The following ADAMTSL1 variants were observed in gnomAD, a reference collection of about 807,000 sequenced individuals.
The protein encoded by ADAMTSL1 is ADAMTS-like protein 1.
A neutral mutation model predicts 201.8 loss-of-function variants in ADAMTSL1; 126 were observed. The observed-to-expected ratio is 0.62, with a 90% CI of 0.54 to 0.72. ADAMTSL1 has a LOEUF of 0.72. Among genes scored for constraint, ADAMTSL1 ranks in the 30% least tolerant of loss-of-function variants. The probability of loss-of-function intolerance (pLI) is 0.00; values close to 1 mark genes in which losing one functional copy is unlikely to be tolerated. For missense variants in ADAMTSL1, 2,679 were observed against 2,277.8 expected (o/e 1.18, Z -3.59); for synonymous variants, 1,121 against 903.4 (o/e 1.24, Z -4.32).
chr9:18,669,473 A>G (rs1399078562), intron 9 of ADAMTSL1, among the ~76,000 whole-genome samples: 1 of 152,220 alleles, frequency 6.6e-6, no homozygotes, highest in Non-Finnish European at 1.5e-5. Context: ...TCAGATCTGC[A>G]TAAAGCAGAC....
chr9:18,601,313 T>C (rs1334262675), intron 4 of ADAMTSL1, among the ~76,000 whole-genome samples: 1 of 152,186 alleles, frequency 6.6e-6, no homozygotes, highest in Admixed American at 6.5e-5. Flanking sequence ...AAATAAGTAT[T>C]GGGCAACTAG....
rs143262126 is a variant in ADAMTSL1 at position 18,753,723 on chromosome 9, C to A, written c.2217+215C>A. Among the ~76,000 whole-genome samples the A allele has an allele frequency of 4.9e-3, 750 of 152,264 alleles. 5 individuals are homozygous for A. Among genetic ancestry groups the A allele is most frequent in the African/African-American group, 0.017 (716 of 41,526 alleles). ...CTACTGTATCACACCCCAGTGACCT[C>A]CAAAAGCAATGCAGATGACCCATCT... is the stretch of plus-strand genomic sequence containing the variant. On this transcript the variant is annotated intron_variant, in intron 16 of 28. Coordinates refer to ENST00000380548, the MANE Select transcript of ADAMTSL1 (RefSeq NM_001040272.6).
chr9:18,254,472 C>A (rs1183091881), intron 2 of ADAMTSL1, among the ~76,000 whole-genome samples: 1 of 147,882 alleles, frequency 6.8e-6, no homozygotes, highest in African/African-American at 2.5e-5. Flanking sequence ...ACGCCGTTCT[C>A]CTGCCTCAGC....
chr9:18,422,824 ATCCCTAAAGATAACCAACAGC>A (rs1819022512), intron 2 of ADAMTSL1, among the ~76,000 whole-genome samples: 1 of 152,050 alleles, frequency 6.6e-6, no homozygotes, highest in African/African-American at 2.4e-5. Context: ...ATGTCTTCCC[ATCCCTAAAGATAACCAACAGC>A]TCCCTGTGGA....
intron 16 of ADAMTSL1, among the ~76,000 whole-genome samples, chr9:18,765,270 G>C (rs1404802182): frequency 6.6e-6 from 1 of 152,200 alleles, no homozygotes; most frequent in Admixed American, 6.5e-5. Flanking sequence ...CACTAGTGAA[G>C]TATCTAAAAT....
rs200603951 is a variant in ADAMTSL1, at chr9:18,079,682, AAAATAAATAAAT to A, written c.88-84144_88-84133del. ...GGGAGACAGAGCGAGACTCTGTCTCAAAATAAATAAATAAATAAATAAATAAATAAATAAATA... is the reference window on the plus strand; with the variant it reads ...GGGAGACAGAGCGAGACTCTGTCTCAAAATAAATAAATAAATAAATAAATA... On this transcript the variant is annotated intron_variant, in intron 1 of 29. Coordinates refer to the ADAMTSL1 transcript ENST00000680146. 6.2e-3 allele frequency among the ~76,000 whole-genome samples: 885 copies of A among 141,738 alleles called. 6 individuals are homozygous for A. Among genetic ancestry groups the A allele is most frequent in the African/African-American group, 8.4e-3 (318 of 38,018 alleles). 93.0% of individuals were successfully genotyped at this position (141,738 alleles called of 152,430 possible).
At position 18,049,619 on chromosome 9, in the gene ADAMTSL1, CT is replaced by C. The variant is rs61679017; in HGVS notation, c.88-114229del. 1.7e-3 allele frequency among the ~76,000 whole-genome samples: 238 copies of C among 143,696 alleles called. 1 individual carries two copies. The highest frequency in any genetic ancestry group is 5.1e-3 in the South Asian group (23 of 4,484). The allele number at this position is 143,696 out of a possible 152,430, so 94.3% of individuals were successfully genotyped here. A position where few individuals can be genotyped will look rare whatever the true frequency, so the allele number is the denominator to read the frequency against. On this transcript the variant is annotated intron_variant, in intron 1 of 29. Transcript: ENST00000680146. ...GGCTTCCTGTCTTCGACTTCTTATT[CT>C]TTTTTTTTTTTTTCTTTTTTTGAGA...
intron 2 of ADAMTSL1, among the ~76,000 whole-genome samples, chr9:18,379,648 C>T (rs1587017419): frequency 1.3e-5 from 2 of 152,206 alleles, no homozygotes; most frequent in East Asian, 1.9e-4. Context: ...GACGAAGGCT[C>T]TCCAGGCTGT....
intron 15 of ADAMTSL1, among the ~76,000 whole-genome samples, chr9:18,724,544 A>C (rs1817751621): frequency 6.6e-6 from 1 of 152,220 alleles, no homozygotes; most frequent in African/African-American, 2.4e-5. Context: ...TAGTGCCTAC[A>C]TTTTTTAGAA....
chr9:18,684,677 TA>T, intron 12 of ADAMTSL1, 38 bp from the exon 13 acceptor site: 1 of 1,600,980 alleles, frequency 6.2e-7, no homozygotes, highest in Non-Finnish European at 8.5e-7. Context: ...AGATTGGTTC[TA>T]ACCTCTTCTT....
chr9:18,250,100 T>A lies in ADAMTSL1; in HGVS notation c.207+86119T>A, dbSNP rs1446188093. Among the ~76,000 whole-genome samples the A allele has an allele frequency of 2.0e-5, 3 of 152,344 alleles. No individual in the cohort carries two copies. The East Asian group carries it at 5.8e-4, about 29-fold the overall frequency. On this transcript the variant is annotated intron_variant, in intron 2 of 29. Transcript: ENST00000680146. ...GTGTTATCAGTGTAGTTTACATGAA[T>A]TAAAGTTCTTGCTTGCTACTATCTG...
chr9:17,996,544 A>G (rs1034968503), intron 1 of ADAMTSL1, among the ~76,000 whole-genome samples: 5 of 151,988 alleles, frequency 3.3e-5, no homozygotes, highest in Non-Finnish European at 7.4e-5. Flanking sequence ...TTTACAACAC[A>G]CTGCATTATG....
At position 18,906,791 on chromosome 9, in the gene ADAMTSL1, C is replaced by A; in HGVS notation, c.5061C>A (p.Phe1687Leu). 1 of 1,614,032 alleles carries A rather than the reference C, an allele frequency of 6.2e-7. No homozygotes were observed. Among genetic ancestry groups the A allele is most frequent in the African/African-American group, 1.3e-5 (1 of 75,070 alleles). The change falls in exon 28 of 29, where the codon TTC (phenylalanine) becomes TTA (leucine). Residue 1687 changes from phenylalanine (F) to leucine (L), a missense_variant. Phe to Leu is a conservative substitution (Grantham distance 22). Coordinates refer to ENST00000380548, the MANE Select transcript of ADAMTSL1 (RefSeq NM_001040272.6). ...CAGCTACCTGTGGCAACTACGGCTT[C>A]CAGTCCCGGCGTGTGGAGTGTGTGC... ...LCTATCGNYG[F>L]QSRRVECVHA...
intron 9 of ADAMTSL1, among the ~76,000 whole-genome samples, chr9:18,668,432 C>T (rs1276285331): frequency 6.6e-6 from 1 of 152,124 alleles, no homozygotes; most frequent in Non-Finnish European, 1.5e-5. Context: ...CCAGATCATT[C>T]CTAATAGTAG....
chr9:17,939,517 T>C (rs1280496921), intron 1 of ADAMTSL1, among the ~76,000 whole-genome samples: 1 of 152,138 alleles, frequency 6.6e-6, no homozygotes, highest in East Asian at 1.9e-4. Flanking sequence ...AAATAATGTA[T>C]ACTTGGTTGG....
chr9:18,816,970 T>C, intron 20 of ADAMTSL1, 139 bp from the exon 21 acceptor site: 1 of 1,135,614 alleles, frequency 8.8e-7, no homozygotes, highest in Middle Eastern at 2.7e-4. Flanking sequence ...GCGCTTGCAA[T>C]TTTTCAAGAG....
At chr9:18,073,134 C>A (rs183547124) in intron 1 of ADAMTSL1, among the ~76,000 whole-genome samples, 1 of 152,182 alleles carries the variant, frequency 6.6e-6, no homozygotes, top group Non-Finnish European at 1.5e-5. Context: ...AGGCCTGCCA[C>A]GTGTTTTCTC....
At chr9:18,477,547 C>A (rs539366940) in intron 1 of ADAMTSL1, among the ~76,000 whole-genome samples, 1 of 152,078 alleles carries the variant, frequency 6.6e-6, no homozygotes, top group African/African-American at 2.4e-5. Flanking sequence ...TACAGGAGAC[C>A]GCGGCCTGTT....
intron 1 of ADAMTSL1, among the ~76,000 whole-genome samples, chr9:17,921,477 AT>A (rs1339192763): frequency 6.6e-6 from 1 of 152,016 alleles, no homozygotes; most frequent in East Asian, 1.9e-4. Flanking sequence ...ATTTACTGTT[AT>A]TTTAGCAGAC....
Sources: allele counts gnomAD v4.1 joint callset (sites outside exome capture counted in the v4.1 genomes callset), GRCh38; gene constraint gnomAD v4.1.1; transcripts MANE v1.5; gene names NCBI Gene and HGNC (gene_info 2026-07-23, HGNC 2026-07-21).